The following CCDC91 variants were observed in gnomAD, a reference collection of about 807,000 sequenced individuals.
CCDC91 encodes the protein coiled-coil domain-containing protein 91.
A neutral mutation model predicts 63.2 loss-of-function variants in CCDC91; 48 were observed. That is an observed-to-expected ratio of 0.76 (90% confidence interval 0.60 to 0.97). CCDC91 has a LOEUF of 0.97. CCDC91 is among the 50% of genes least tolerant of loss of function. The probability of loss-of-function intolerance (pLI) is 0.00; values close to 1 mark genes in which losing one functional copy is unlikely to be tolerated. For synonymous variants in CCDC91, 167 were observed against 165.8 expected, an observed-to-expected ratio of 1.01 and a Z score of -0.06; for missense variants, 500 against 494.6, an observed-to-expected ratio of 1.01 and a Z score of -0.10.
chr12:28,519,788 C>T (rs1337671077), intron 12 of CCDC91, among the ~76,000 whole-genome samples: 1 of 136,474 alleles, frequency 7.3e-6, no homozygotes, highest in Non-Finnish European at 1.5e-5. Context: ...TCTCATTGTT[C>T]AAATCCCACC....
intron 8 of CCDC91, among the ~76,000 whole-genome samples, chr12:28,426,513 C>T (rs1412134980): frequency 6.6e-6 from 1 of 151,772 alleles, no homozygotes; most frequent in African/African-American, 2.4e-5. Flanking sequence ...TTATTTTTTC[C>T]TAAATCTCAA....
At chr12:28,538,679 C>T (rs1486274743) in intron 12 of CCDC91, among the ~76,000 whole-genome samples, 1 of 152,132 alleles carries the variant, frequency 6.6e-6, no homozygotes, top group African/African-American at 2.4e-5. Context: ...GAGGAATTGC[C>T]ACACTGACTT....
intron 11 of CCDC91, among the ~76,000 whole-genome samples, chr12:28,454,438 G>A (rs1949965103): frequency 6.6e-6 from 1 of 152,112 alleles, no homozygotes; most frequent in African/African-American, 2.4e-5. Context: ...GCAGATAGGT[G>A]AGACAGAAGC....
chr12:28,346,618 G>C (rs1333206677), intron 6 of CCDC91, among the ~76,000 whole-genome samples: 1 of 152,016 alleles, frequency 6.6e-6, no homozygotes, highest in Non-Finnish European at 1.5e-5. Context: ...GAATATTTTA[G>C]AGAATACAAA....
At chr12:28,292,106 A>C (rs1217561483) in intron 3 of CCDC91, among the ~76,000 whole-genome samples, 1 of 152,230 alleles carries the variant, frequency 6.6e-6, no homozygotes, top group Non-Finnish European at 1.5e-5. Context: ...TTTGTCTAAC[A>C]TCATTTCCAT....
chr12:28,377,921 C>T (rs1228652649), intron 7 of CCDC91, among the ~76,000 whole-genome samples: 1 of 151,928 alleles, frequency 6.6e-6, no homozygotes, highest in South Asian at 2.1e-4. Flanking sequence ...AAATACTTTA[C>T]CATCTTAATG....
intron 6 of CCDC91, among the ~76,000 whole-genome samples, chr12:28,350,478 C>T (rs1247474230): frequency 2.0e-5 from 3 of 152,148 alleles, no homozygotes; most frequent in South Asian, 2.1e-4. Flanking sequence ...ACTGGTGTCC[C>T]GGGCATACAC....
At chr12:28,519,053 TG>T (rs1940282770) in intron 12 of CCDC91, among the ~76,000 whole-genome samples, 1 of 152,004 alleles carries the variant, frequency 6.6e-6, no homozygotes, top group Non-Finnish European at 1.5e-5. Flanking sequence ...CATATGAATT[TG>T]GGGATAGTTT....
intron 11 of CCDC91, among the ~76,000 whole-genome samples, chr12:28,483,520 C>A (rs1225428531): frequency 1.3e-5 from 2 of 152,034 alleles, no homozygotes; most frequent in African/African-American, 4.8e-5. Flanking sequence ...TCTCTCATTT[C>A]AAATACTAGC....
intron 3 of CCDC91, among the ~76,000 whole-genome samples, chr12:28,292,157 A>C (rs1336228741): frequency 6.6e-6 from 1 of 152,238 alleles, no homozygotes; most frequent in Non-Finnish European, 1.5e-5. Context: ...GTAATATGTC[A>C]TCAGCAAAAG....
intron 3 of CCDC91, among the ~76,000 whole-genome samples, chr12:28,290,946 T>C (rs909870170): frequency 1.3e-5 from 2 of 152,248 alleles, no homozygotes; most frequent in African/African-American, 2.4e-5. Context: ...TGTACTCTTA[T>C]GGCAGAACAT....
chr12:28,221,284 T>A (rs1207569264), intron 1 of CCDC91, among the ~76,000 whole-genome samples: 1 of 152,172 alleles, frequency 6.6e-6, no homozygotes, highest in African/African-American at 2.4e-5. Flanking sequence ...TCATGACCTT[T>A]TCTCTGCTTT....
chr12:28,429,319 T>TATAA (rs2140056339), intron 8 of CCDC91, among the ~76,000 whole-genome samples: 1 of 152,308 alleles, frequency 6.6e-6, no homozygotes, highest in African/African-American at 2.4e-5. Flanking sequence ...ACTTTATATT[T>TATAA]AGGCAGACAT....
intron 12 of CCDC91, among the ~76,000 whole-genome samples, chr12:28,527,181 C>G (rs566100773): frequency 6.6e-6 from 1 of 152,098 alleles, no homozygotes; most frequent in South Asian, 2.1e-4. Context: ...GTTAAAGAAC[C>G]TTGTTTTTTC....
At chr12:28,361,163 T>A (rs1039323920) in intron 6 of CCDC91, among the ~76,000 whole-genome samples, 17 of 151,606 alleles carry the variant, frequency 1.1e-4, no homozygotes, top group East Asian at 1.9e-4. Flanking sequence ...TCATCTTTTT[T>A]AAATTTTTAA....
intron 6 of CCDC91, among the ~76,000 whole-genome samples, chr12:28,337,311 A>G (rs1942057509): frequency 6.6e-6 from 1 of 152,154 alleles, no homozygotes; most frequent in African/African-American, 2.4e-5. Context: ...GATTGAATTC[A>G]TACTGCTCCT....
intron 3 of CCDC91, among the ~76,000 whole-genome samples, chr12:28,287,649 C>T (rs1338459304): frequency 6.6e-6 from 1 of 152,058 alleles, no homozygotes; most frequent in Non-Finnish European, 1.5e-5. Context: ...TAGCATAATG[C>T]CTCCAGTTTT....
intron 12 of CCDC91, among the ~76,000 whole-genome samples, chr12:28,499,599 T>C (rs1243129139): frequency 6.6e-6 from 1 of 151,942 alleles, no homozygotes; most frequent in African/African-American, 2.4e-5. Flanking sequence ...AGTGAGAACA[T>C]GCAGTATTTG....
intron 12 of CCDC91, among the ~76,000 whole-genome samples, chr12:28,499,097 T>C (rs1183438051): frequency 6.6e-6 from 1 of 151,620 alleles, no homozygotes; most frequent in Non-Finnish European, 1.5e-5. Flanking sequence ...TAGGGGAAGC[T>C]TTTATGGTCA....
Sources: gnomAD v4.1 joint callset for allele counts (sites outside exome capture counted in the v4.1 genomes callset) on GRCh38, gnomAD v4.1.1 for gene constraint, MANE v1.5 for transcripts, NCBI Gene and HGNC (gene_info 2026-07-23, HGNC 2026-07-21) for gene names.